The following FAT3 variants were observed in gnomAD, a reference collection of about 807,000 sequenced individuals.
FAT3 encodes protocadherin Fat 3.
FAT3 carries 95 observed loss-of-function variants against 310.2 expected under a neutral mutation model. That is an observed-to-expected ratio of 0.31 (90% CI 0.26 to 0.36). FAT3 has a LOEUF of 0.36. Ranked by LOEUF, FAT3 falls within the 10% of genes least tolerant of loss-of-function variation. FAT3 has a pLI of 1.00. For missense variants in FAT3, 5,408 were observed against 5,715.6 expected, an observed-to-expected ratio of 0.95 and a Z score of 1.74; for synonymous variants, 2,314 against 2,192.9, an observed-to-expected ratio of 1.06 and a Z score of -1.54.
intron 3 of FAT3, among the ~76,000 whole-genome samples, chr11:92,643,694 T>C (rs1942044479): frequency 6.6e-6 from 1 of 152,214 alleles, no homozygotes; most frequent in Non-Finnish European, 1.5e-5. Flanking sequence ...AATTCCCCAA[T>C]TGTGATCACT....
intron 3 of FAT3, among the ~76,000 whole-genome samples, chr11:92,636,758 A>G (rs528851091): frequency 1.3e-5 from 2 of 152,320 alleles, no homozygotes; most frequent in African/African-American, 2.4e-5. Flanking sequence ...AGTGTAGACT[A>G]TATTGCTCAG....
At chr11:92,594,681 C>T (rs1354061399) in intron 3 of FAT3, among the ~76,000 whole-genome samples, 1 of 152,116 alleles carries the variant, frequency 6.6e-6, no homozygotes, top group Non-Finnish European at 1.5e-5. Context: ...ACTCATGACA[C>T]TTAGGGTCTG....
intron 4 of FAT3, among the ~76,000 whole-genome samples, chr11:92,716,701 G>C (rs1944700759): frequency 6.6e-6 from 1 of 152,084 alleles, no homozygotes; most frequent in Non-Finnish European, 1.5e-5. Flanking sequence ...GAAGGATTAG[G>C]CAATTCACTC....
intron 15 of FAT3, 86 bp from the exon 16 acceptor site, chr11:92,836,480 C>G: frequency 6.8e-7 from 1 of 1,467,836 alleles, no homozygotes; most frequent in Non-Finnish European, 9.1e-7. Flanking sequence ...ACAGCTGCAC[C>G]CATTTAAACA....
At chr11:92,619,138 A>C (rs548579617) in intron 3 of FAT3, among the ~76,000 whole-genome samples, 1 of 152,168 alleles carries the variant, frequency 6.6e-6, no homozygotes, top group South Asian at 2.1e-4. Flanking sequence ...CATGCATCAT[A>C]TTAATTGATT....
At chr11:92,557,180 G>C (rs986898439) in intron 3 of FAT3, among the ~76,000 whole-genome samples, 1 of 151,892 alleles carries the variant, frequency 6.6e-6, no homozygotes, top group South Asian at 2.1e-4. Context: ...ACTTGGTTCG[G>C]ATTTTATGGA....
intron 2 of FAT3, among the ~76,000 whole-genome samples, chr11:92,490,913 ACTTAGGATCAAGGT>A (rs1461891989): frequency 6.6e-6 from 1 of 152,032 alleles, no homozygotes; most frequent in Non-Finnish European, 1.5e-5. Flanking sequence ...AGATAGGAAA[ACTTAGGATCAAGGT>A]CCAAGGTCAT....
At chr11:92,682,567 A>G (rs1311485441) in intron 3 of FAT3, among the ~76,000 whole-genome samples, 2 of 152,170 alleles carry the variant, frequency 1.3e-5, no homozygotes, top group Admixed American at 6.5e-5. Flanking sequence ...ACAATCTACC[A>G]TTTGGGAAGT....
chr11:92,491,616 C>A (rs1042373858), intron 2 of FAT3, among the ~76,000 whole-genome samples: 1 of 152,050 alleles, frequency 6.6e-6, no homozygotes, highest in Non-Finnish European at 1.5e-5. Flanking sequence ...GGCTCTTTGG[C>A]ATTGCTGTAG....
At chr11:92,638,570 T>C (rs1296065610) in intron 3 of FAT3, among the ~76,000 whole-genome samples, 2 of 152,104 alleles carry the variant, frequency 1.3e-5, no homozygotes, top group African/African-American at 4.8e-5. Context: ...TGAATACGAG[T>C]TCTGAAATGT....
In FAT3 at chr11:92,798,363, A is replaced by G; in HGVS notation, c.5350A>G (p.Ile1784Val). 6.2e-7 allele frequency: 1 copy of G among 1,613,468 alleles called. No individual in the cohort carries two copies. The highest frequency in any genetic ancestry group is 8.5e-7 in the Non-Finnish European group (1 of 1,179,728). The change falls in exon 10 of 28, where the codon ATT becomes GTT. Residue 1784 changes from isoleucine to valine, a missense_variant. Physicochemically the swap from Ile to Val is conservative, Grantham distance 29. Around this residue, in one of 5 missense-constraint regions of FAT3, gnomAD observed 4,588 missense variants for 4,809.8 expected, o/e 0.95. Coordinates refer to ENST00000525166, the MANE Select transcript of FAT3 (RefSeq NM_001367949.2). Reference sequence around the variant, plus strand: ...AGGCAGCCTAAGTGAGGCTGCCCCAATTAATAGCATTGTCAGGAGCTTGGA... The same window carrying G: ...AGGCAGCCTAAGTGAGGCTGCCCCAGTTAATAGCATTGTCAGGAGCTTGGA... The part of the protein sequence containing the change: ...YSGSLSEAAP[I>V]NSIVRSLDNS...
chr11:92,372,955 C>A (rs759248220), intron 2 of FAT3, among the ~76,000 whole-genome samples: 1 of 152,060 alleles, frequency 6.6e-6, no homozygotes, highest in Admixed American at 6.6e-5. Context: ...CCACCGTGCC[C>A]GGCCAGCAAA....
chr11:92,860,441 C>T (rs888778195), intron 21 of FAT3, among the ~76,000 whole-genome samples: 2 of 152,118 alleles, frequency 1.3e-5, no homozygotes, highest in African/African-American at 4.8e-5. Context: ...CATCTGTAGA[C>T]CAGATTCAGC....
chr11:92,489,563 T>A (rs767772246), intron 2 of FAT3, among the ~76,000 whole-genome samples: 4 of 152,090 alleles, frequency 2.6e-5, no homozygotes, highest in South Asian at 4.1e-4. Context: ...TCATGGATAA[T>A]TGTACTTGGG....
At chr11:92,622,376 A>G (rs1336998350) in intron 3 of FAT3, among the ~76,000 whole-genome samples, 2 of 152,196 alleles carry the variant, frequency 1.3e-5, no homozygotes, top group African/African-American at 4.8e-5. Context: ...ACTAAATAGT[A>G]TTTATTGATT....
At chr11:92,849,660 G>C (rs1948769968) in intron 19 of FAT3, among the ~76,000 whole-genome samples, 1 of 152,210 alleles carries the variant, frequency 6.6e-6, no homozygotes, top group Non-Finnish European at 1.5e-5. Context: ...GGAGTTATCA[G>C]CTCTACTTGG....
intron 3 of FAT3, among the ~76,000 whole-genome samples, chr11:92,647,368 T>A (rs1199713370): frequency 6.6e-6 from 1 of 152,160 alleles, no homozygotes; most frequent in African/African-American, 2.4e-5. Flanking sequence ...GGACTCCAAA[T>A]GACATAATTG....
At chr11:92,755,998 G>C (rs1214411648) in intron 4 of FAT3, among the ~76,000 whole-genome samples, 2 of 152,130 alleles carry the variant, frequency 1.3e-5, no homozygotes, top group African/African-American at 4.8e-5. Context: ...TAGATGCTAG[G>C]AATATGTCTG....
chr11:92,545,803 A>G (rs780931567), intron 3 of FAT3, among the ~76,000 whole-genome samples: 3 of 152,220 alleles, frequency 2.0e-5, no homozygotes, highest in Non-Finnish European at 2.9e-5. Flanking sequence ...GCGTTATCCC[A>G]TATCCAGTCA....
Sources: gnomAD v4.1 joint callset for allele counts (sites outside exome capture counted in the v4.1 genomes callset) on GRCh38, gnomAD v4.1.1 for gene constraint, gnomAD v4.1.1 regional missense constraint, MANE v1.5 for transcripts, NCBI Gene and HGNC (gene_info 2026-07-23, HGNC 2026-07-21) for gene names.